Variants in SDK2 observed in about 807,000 individuals in gnomAD.
SDK2 encodes the protein protein sidekick-2.
SDK2 carries 105 observed loss-of-function variants against 253.9 expected under a neutral mutation model. The observed-to-expected ratio is 0.41, with a 90% CI of 0.35 to 0.49. The LOEUF (loss-of-function observed/expected upper bound fraction) is 0.49, where lower values mean the gene tolerates loss of function less well. Ranked by LOEUF, SDK2 falls within the 20% of genes least tolerant of loss-of-function variation. The pLI, the probability that SDK2 is intolerant of heterozygous loss-of-function variation, is 0.06. For missense variants in SDK2, 2,608 were observed against 3,003.0 expected (o/e 0.87, Z 3.07); for synonymous variants, 1,249 against 1,234.9 (o/e 1.01, Z -0.24).
intron 22 of SDK2, 116 bp downstream of exon 22, chr17:73,399,052 G>A (rs2062997383): frequency 2.0e-6 from 2 of 976,990 alleles, no homozygotes; most frequent in Non-Finnish European, 3.1e-6. Context: ...AGTATAATGG[G>A]CCATTGAGAG....
At chr17:73,412,272 A>G (rs183451618) in intron 18 of SDK2, among the ~76,000 whole-genome samples, 20 of 148,540 alleles carry the variant, frequency 1.3e-4, no homozygotes, top group Middle Eastern at 3.5e-3. Flanking sequence ...ACATATATAT[A>G]TGTGTGTGTG....
At chr17:73,410,098 C>A (rs2063113565) in intron 18 of SDK2, among the ~76,000 whole-genome samples, 1 of 152,200 alleles carries the variant, frequency 6.6e-6, no homozygotes, top group South Asian at 2.1e-4. Context: ...AAGAGATCCC[C>A]CTGTCTTGGC....
At chr17:73,606,848 G>A (rs1032613075) in intron 1 of SDK2, among the ~76,000 whole-genome samples, 1 of 152,140 alleles carries the variant, frequency 6.6e-6, no homozygotes, top group Non-Finnish European at 1.5e-5. Flanking sequence ...GGTGAGAAGG[G>A]GTGCAGATCA....
At chr17:73,483,683 T>TTTTA (rs1555588585) in intron 2 of SDK2, among the ~76,000 whole-genome samples, 1 of 41,580 alleles carries the variant, frequency 2.4e-5, no homozygotes, top group Admixed American at 3.4e-4. Flanking sequence ...ATATATATAT[T>TTTTA]TATATATATA....
intron 16 of SDK2, 27 bp from the exon 17 acceptor site, chr17:73,416,019 G>C (rs1416413376): frequency 6.3e-7 from 1 of 1,591,564 alleles, no homozygotes; most frequent in Admixed American, 1.8e-5. Context: ...AGGCACAGTG[G>C]AGTCAGAGTC....
intron 43 of SDK2, among the ~76,000 whole-genome samples, chr17:73,349,176 C>T (rs1011505392): frequency 1.3e-5 from 2 of 152,192 alleles, no homozygotes; most frequent in Admixed American, 6.5e-5. Flanking sequence ...CGGAGCCAGC[C>T]TGGCGGGGCT....
In SDK2 at chr17:73,379,508, A is replaced by G. The variant is rs2062812976; in HGVS notation, c.4804T>C (p.Tyr1602His). ...HRRYEIRMSV[Y>H]NAVGEGPSSP... is the part of the protein sequence containing the mutation. ...GAGGGCCCCTCACCCACAGCGTTGT[A>G]CACGCTCATCCGTATCTCGTACCGC... is the stretch of plus-strand genomic sequence containing the variant. Residue 1602 changes from tyrosine (Y) to histidine (H), a missense_variant, in exon 35 of 45, where the codon TAC (tyrosine) becomes CAC (histidine). This residue lies in a region of SDK2 where 1,103 missense variants were observed against 1,143.9 expected (regional missense o/e 0.96). Coordinates refer to ENST00000392650, the MANE Select transcript of SDK2 (RefSeq NM_001144952.2). The surrounding 1 kb of genome is among the most constrained non-coding windows in gnomAD (Gnocchi z 4.5). 6.2e-7 allele frequency: 1 copy of G among 1,612,178 alleles called. No homozygotes were observed. Among genetic ancestry groups the G allele is most frequent in the Non-Finnish European group, 8.5e-7 (1 of 1,179,308 alleles).
In SDK2 at chr17:73,608,958, C is replaced by T. The variant is rs560582448; in HGVS notation, c.64+35067G>A. 1.2e-4 allele frequency among the ~76,000 whole-genome samples: 19 copies of T among 152,310 alleles called. No homozygotes were observed. In the South Asian group the frequency reaches 3.7e-3, roughly 30 times the overall value. On this transcript the variant is annotated intron_variant, in intron 1 of 44. Transcript: ENST00000392650. ...GAGAAGCAACTGAACTCTACATATA[C>T]GAATCAAATATCTTCCGTTAATCAG...
chr17:73,395,046 G>A lies in SDK2; in HGVS notation c.3592+109C>T. ...GCATAAGCAGAGGAAATGAGCTCAG[G>A]CTGTTTTTGAACAACACCTTCAGCC... On this transcript the variant is annotated intron_variant, in intron 25 of 44. Transcript: ENST00000392650. This position sits in a 1 kb window ranked among gnomAD's most constrained non-coding sequence, Gnocchi z 4.3. 1 of 787,834 alleles carries A rather than the reference G, an allele frequency of 1.3e-6. No individual in the cohort carries two copies. The highest frequency in any genetic ancestry group is 2.0e-6 in the Non-Finnish European group (1 of 492,842). 48.8% of individuals were successfully genotyped at this position (787,834 alleles called of 1,614,324 possible). A position where few individuals can be genotyped will look rare whatever the true frequency, so the allele number is the denominator to read the frequency against.
rs941536543 is a variant in SDK2 at position 73,415,835 on chromosome 17, C to G, written c.2344G>C (p.Val782Leu). Reference sequence around the variant, plus strand: ...CCTCCCTGCAGCGTCCACTCGGTGACTTTACTGCTGTAGACCCCCAGCCCA... The same window carrying G: ...CCTCCCTGCAGCGTCCACTCGGTGAGTTTACTGCTGTAGACCCCCAGCCCA... ...SAGLGVYSSK[V>L]TEWTLQGVPT... The change falls in exon 17 of 45, where the codon GTC (valine) becomes CTC (leucine). Residue 782 changes from valine to leucine, a missense_variant. Val to Leu is a conservative substitution (Grantham distance 32). Coordinates refer to ENST00000392650, the MANE Select transcript of SDK2 (RefSeq NM_001144952.2). 1 of 1,555,504 alleles carries G rather than the reference C, an allele frequency of 6.4e-7. No individual in the cohort carries two copies. Among genetic ancestry groups the G allele is most frequent in the Non-Finnish European group, 8.7e-7 (1 of 1,149,204 alleles).
intron 2 of SDK2, among the ~76,000 whole-genome samples, chr17:73,506,626 C>T (rs1306145324): frequency 6.6e-6 from 1 of 152,240 alleles, no homozygotes; most frequent in Non-Finnish European, 1.5e-5. Flanking sequence ...GTTTCCCCAA[C>T]AAAACCGATT....
At chr17:73,637,938 G>GA (rs1381542177) in intron 1 of SDK2, among the ~76,000 whole-genome samples, 1 of 152,222 alleles carries the variant, frequency 6.6e-6, no homozygotes, top group African/African-American at 2.4e-5. Flanking sequence ...GAAGAGCTGG[G>GA]AAAATGACCA....
chr17:73,492,748 C>T (rs1043068601), intron 2 of SDK2, among the ~76,000 whole-genome samples: 1 of 152,186 alleles, frequency 6.6e-6, no homozygotes, highest in African/African-American at 2.4e-5. Flanking sequence ...AGATATTCCT[C>T]TTCAGGGCGA....
chr17:73,366,772 T>A (rs1447130987), intron 37 of SDK2, among the ~76,000 whole-genome samples: 1 of 152,010 alleles, frequency 6.6e-6, no homozygotes, highest in Non-Finnish European at 1.5e-5. Context: ...GGGTTAAGTG[T>A]GACAGTGCCT....
At chr17:73,397,422 G>A (rs558572056) in intron 24 of SDK2, among the ~76,000 whole-genome samples, 1 of 152,276 alleles carries the variant, frequency 6.6e-6, no homozygotes, top group East Asian at 1.9e-4. Context: ...GAAAGCACGT[G>A]GGAGGATACG....
Position 73,378,544 on chromosome 17 carries a change from C to T in SDK2, c.4980+633G>A, listed in dbSNP as rs530515891. The stretch of plus-strand genomic sequence containing the variant: ...AAGCGATTCTCCTGCCTCAGCCTCT[C>T]GAATAGCTGGGATTACCGGTGCCTG... On this transcript the variant is annotated intron_variant, in intron 36 of 44. Coordinates refer to ENST00000392650, the MANE Select transcript of SDK2 (RefSeq NM_001144952.2). Among the ~76,000 whole-genome samples the T allele has an allele frequency of 1.1e-4, 17 of 152,030 alleles. No homozygotes were observed. The South Asian group carries it at 2.7e-3, about 24-fold the overall frequency.
At chr17:73,409,436 C>T (rs2063107239) in intron 18 of SDK2, among the ~76,000 whole-genome samples, 1 of 149,736 alleles carries the variant, frequency 6.7e-6, no homozygotes, top group Non-Finnish European at 1.5e-5. Context: ...AGCCGAGATC[C>T]AACCTGGGTG....
At chr17:73,350,163 A>C in intron 43 of SDK2, 74 bp downstream of exon 43, 1 of 177,592 alleles carries the variant, frequency 5.6e-6, no homozygotes, top group Admixed American at 2.3e-4. Context: ...TCCCTGCTCT[A>C]TGGCCTTCCC....
At chr17:73,623,717 G>A (rs921984161) in intron 1 of SDK2, among the ~76,000 whole-genome samples, 18 of 151,750 alleles carry the variant, frequency 1.2e-4, no homozygotes, top group East Asian at 1.9e-4. Context: ...ACCCCACCCC[G>A]CCCCAGATCC....
Sources: allele counts gnomAD v4.1 joint callset (sites outside exome capture counted in the v4.1 genomes callset), GRCh38; gene constraint gnomAD v4.1.1; regional missense constraint gnomAD v4.1.1; non-coding constraint Gnocchi (gnomAD v3.1); transcripts MANE v1.5; gene names NCBI Gene and HGNC (gene_info 2026-07-23, HGNC 2026-07-21).